FBXL2: variants seen among roughly 807,000 people sequenced by gnomAD.
FBXL2 encodes the protein F-box/LRR-repeat protein 2.
A neutral mutation model predicts 69.2 loss-of-function variants in FBXL2; 38 were observed. That is an observed-to-expected ratio of 0.55 (90% CI 0.42 to 0.72). The LOEUF is 0.72. Among genes scored for constraint, FBXL2 ranks in the 30% least tolerant of loss-of-function variants. The pLI is 0.00. For missense variants in FBXL2, 354 were observed against 520.3 expected, an observed-to-expected ratio of 0.68 and a Z score of 3.11; for synonymous variants, 192 against 201.3, an observed-to-expected ratio of 0.95 and a Z score of 0.39.
At chr3:33,298,361 T>C (rs1003425259) in intron 2 of FBXL2, among the ~76,000 whole-genome samples, 1 of 152,160 alleles carries the variant, frequency 6.6e-6, no homozygotes, top group Non-Finnish European at 1.5e-5. Context: ...TTTAGTATTA[T>C]GCAATCATCA....
intron 2 of FBXL2, among the ~76,000 whole-genome samples, chr3:33,329,756 C>T (rs572778256): frequency 6.6e-6 from 1 of 152,220 alleles, no homozygotes; most frequent in South Asian, 2.1e-4. Flanking sequence ...CTTTGGGAGG[C>T]CAAGGTGGGA....
intron 2 of FBXL2, among the ~76,000 whole-genome samples, chr3:33,351,466 G>A (rs2040824044): frequency 6.6e-6 from 1 of 152,066 alleles, no homozygotes; most frequent in South Asian, 2.1e-4. Flanking sequence ...AGAAAATTTT[G>A]TAAGATCTAT....
chr3:33,408,833 T>A, the FBXL2 span: 1 of 1,554,786 alleles, frequency 6.4e-7, no homozygotes, highest in African/African-American at 1.4e-5. Flanking sequence ...CAATGTCTTT[T>A]CATTATACAA....
intron 12 of FBXL2, among the ~76,000 whole-genome samples, chr3:33,394,664 C>T (rs2043898463): frequency 6.6e-6 from 1 of 152,112 alleles, no homozygotes; most frequent in African/African-American, 2.4e-5. Flanking sequence ...GAGAACTTTG[C>T]TTCCCCAAAC....
Position 33,375,277 on chromosome 3 carries a change from C to CT in FBXL2, c.658-7dup. ...TCCTCTGACTTTTCTTTCTGTGCTG[C>CT]TTTTCCTCAGCGTATCACGGATGAA... On this transcript the variant is annotated splice_polypyrimidine_tract_variant and intron_variant, in intron 9 of 14. Transcript: ENST00000484457. The CT allele has an allele frequency of 6.2e-7, 1 of 1,609,658 alleles. No individual in the cohort carries two copies. The highest frequency in any genetic ancestry group is 8.5e-7 in the Non-Finnish European group (1 of 1,176,134).
At chr3:33,406,089 T>C (rs891516148), downstream of FBXL2, among the ~76,000 whole-genome samples, 1 of 152,198 alleles carries the variant, frequency 6.6e-6, no homozygotes, top group African/African-American at 2.4e-5. Flanking sequence ...AATTACATTT[T>C]ACACAACAAT....
At chr3:33,343,048 T>C (rs375477456) in intron 2 of FBXL2, among the ~76,000 whole-genome samples, 1 of 151,898 alleles carries the variant, frequency 6.6e-6, no homozygotes, top group African/African-American at 2.4e-5. Context: ...CCAACAAATA[T>C]AACTTCTTAA....
intron 2 of FBXL2, among the ~76,000 whole-genome samples, chr3:33,323,467 G>A (rs866684133): frequency 3.3e-5 from 5 of 151,860 alleles, no homozygotes; most frequent in Middle Eastern, 6.3e-3. Context: ...CCTTCCCCCC[G>A]ACGCCCAACA....
intron 4 of FBXL2, among the ~76,000 whole-genome samples, chr3:33,360,194 T>C (rs2041509925): frequency 6.6e-6 from 1 of 152,194 alleles, no homozygotes; most frequent in African/African-American, 2.4e-5. Context: ...TGCTATGTGT[T>C]TTTACCAAGA....
intron 12 of FBXL2, chr3:33,402,724 T>C (rs1259191909): frequency 1.9e-6 from 2 of 1,054,024 alleles, no homozygotes; most frequent in Non-Finnish European, 2.6e-6. Context: ...AAAAGGCTGC[T>C]GTACATGGAG....
At chr3:33,379,981 C>G (rs1171866034) in intron 13 of FBXL2, among the ~76,000 whole-genome samples, 2 of 151,946 alleles carry the variant, frequency 1.3e-5, no homozygotes, top group South Asian at 4.2e-4. Context: ...ACCTCTAATC[C>G]CAGCACTTTG....
At chr3:33,420,403 G>T in the FBXL2 span, among the ~76,000 whole-genome samples, 8 of 151,720 alleles carry the variant, frequency 5.3e-5, no homozygotes, top group African/African-American at 1.9e-4. Flanking sequence ...TGGGCTCACT[G>T]CAACCTCCCT....
chr3:33,332,589 G>A (rs566541988), intron 2 of FBXL2, among the ~76,000 whole-genome samples: 1 of 152,350 alleles, frequency 6.6e-6, no homozygotes, highest in African/African-American at 2.4e-5. Context: ...TGACAGTGGA[G>A]CTGTATTTTG....
chr3:33,360,918 CTTTTTTTTTTTTTTT>C (rs58912118), intron 4 of FBXL2, among the ~76,000 whole-genome samples: 5 of 57,118 alleles, frequency 8.8e-5, no homozygotes, highest in East Asian at 7.2e-4. Context: ...ACATGAAGAA[CTTTTTTTTTTTTTTT>C]TTTTTTTTTT....
chr3:33,386,124 T>C lies in FBXL2; in HGVS notation c.*516T>C, dbSNP rs1226671995. 1 of 166,426 alleles carries C rather than the reference T, an allele frequency of 6.0e-6. No homozygotes were observed. Among genetic ancestry groups the C allele is most frequent in the Non-Finnish European group, 1.3e-5 (1 of 74,996 alleles). The allele number at this position is 166,426 out of a possible 1,614,324, so 10.3% of individuals were successfully genotyped here. On this transcript the variant is annotated 3_prime_UTR_variant, in exon 15 of 15. Transcript: ENST00000484457. The stretch of plus-strand genomic sequence containing the variant: ...CTGCAAATTAATTCATAATGCCTGA[T>C]AGTTTTATATATAGAGACTTATGTG...
chr3:33,352,893 T>TCAAAACAAAACAAAACAAAA (rs61461877), intron 2 of FBXL2, among the ~76,000 whole-genome samples: 13 of 149,428 alleles, frequency 8.7e-5, no homozygotes, highest in South Asian at 2.1e-4. Flanking sequence ...AGACTCTGTC[T>TCAAAACAAAACAAAACAAAA]CAAAACAAAA....
chr3:33,400,411 C>T, intron 12 of FBXL2: 4 of 605,490 alleles, frequency 6.6e-6, no homozygotes, highest in Non-Finnish European at 1.1e-5. Context: ...ACTCCAGCAA[C>T]CCAAATGATG....
At chr3:33,411,533 A>G in the FBXL2 span, 1 of 1,502,704 alleles carries the variant, frequency 6.7e-7, no homozygotes, top group Non-Finnish European at 9.3e-7. Context: ...TCCTACCATG[A>G]CCTAAATAAC....
chr3:33,297,639 A>G (rs1365528403), intron 1 of FBXL2, 25 bp from the exon 2 acceptor site: 15 of 1,435,206 alleles, frequency 1.0e-5, no homozygotes, highest in East Asian at 2.3e-5. Flanking sequence ...CATTTTCACA[A>G]TTTCCTTTTT....
Sources: gnomAD v4.1 joint callset for allele counts (sites outside exome capture counted in the v4.1 genomes callset) on GRCh38, gnomAD v4.1.1 for gene constraint, MANE v1.5 for transcripts, NCBI Gene and HGNC (gene_info 2026-07-23, HGNC 2026-07-21) for gene names.